The following GALK2 variants were observed in gnomAD, a reference collection of about 807,000 sequenced individuals.
The protein encoded by GALK2 is N-acetylgalactosamine kinase.
GALK2 carries 36 observed loss-of-function variants against 52.4 expected under a neutral mutation model. The ratio of observed to expected loss-of-function variants is 0.69; its 90% CI spans 0.53 to 0.91. The LOEUF (loss-of-function observed/expected upper bound fraction) is 0.91, where lower values mean the gene tolerates loss of function less well. Ranked by LOEUF, GALK2 falls within the 40% of genes least tolerant of loss-of-function variation. GALK2 has a pLI of 0.00. For missense variants in GALK2, 579 were observed against 559.1 expected, an observed-to-expected ratio of 1.04 and a Z score of -0.36; for synonymous variants, 176 against 199.1, an observed-to-expected ratio of 0.88 and a Z score of 0.98.
rs181284209 is a variant in GALK2 at position 49,323,593 on chromosome 15, T to A, written c.1169+3788T>A. Among the ~76,000 whole-genome samples, 967 of 152,294 alleles carry A rather than the reference T, an allele frequency of 6.3e-3. 15 individuals are homozygous for A. Among genetic ancestry groups the A allele is most frequent in the African/African-American group, 0.022 (912 of 41,560 alleles). ...TGAGTAAATTAACGGCTTGAATACC[T>A]AGAATACCTAAGTTGCTATACACAA... On this transcript the variant is annotated intron_variant, in intron 9 of 9. Coordinates refer to ENST00000560031, the MANE Select transcript of GALK2 (RefSeq NM_002044.4).
In GALK2 at chr15:49,366,499, A is replaced by G. The variant is rs1020001438; in HGVS notation, c.427-992A>G. 3.2e-6 allele frequency: 4 copies of G among 1,252,738 alleles called. No homozygotes were observed. The African/African-American group carries it at 5.9e-5, about 18-fold the overall frequency. The allele number at this position is 1,252,738 out of a possible 1,614,324, so 77.6% of individuals were successfully genotyped here. ...GTGCGGAAGTCAGATTCATCAAACT[A>G]ATGGAAGTTGCATTTTCTAGGGTAC... On this transcript the variant is annotated intron_variant, in intron 3 of 3. Coordinates refer to the GALK2 transcript ENST00000558399.
chr15:49,251,354 T>C (rs1470840656), intron 5 of GALK2, among the ~76,000 whole-genome samples: 1 of 152,164 alleles, frequency 6.6e-6, no homozygotes, highest in African/African-American at 2.4e-5. Flanking sequence ...TTTGATAAGA[T>C]TTATCATGCA....
intron 1 of GALK2, among the ~76,000 whole-genome samples, chr15:49,197,954 T>C (rs1175284163): frequency 6.6e-6 from 1 of 152,178 alleles, no homozygotes; most frequent in Non-Finnish European, 1.5e-5. Flanking sequence ...GTGGTGGCTG[T>C]TGAAAAGCAC....
At chr15:49,312,918 C>T (rs1456639560) in intron 8 of GALK2, among the ~76,000 whole-genome samples, 1 of 152,188 alleles carries the variant, frequency 6.6e-6, no homozygotes, top group Non-Finnish European at 1.5e-5. Context: ...AACAGTGGCT[C>T]ATTATGGCAT....
chr15:49,294,483 G>T (rs1320806528), intron 8 of GALK2, among the ~76,000 whole-genome samples: 2 of 152,174 alleles, frequency 1.3e-5, no homozygotes, highest in Non-Finnish European at 1.5e-5. Context: ...GTGTTGTATA[G>T]GTAATGTGGG....
intron 7 of GALK2, among the ~76,000 whole-genome samples, chr15:49,286,379 T>C (rs2033355480): frequency 6.6e-6 from 1 of 152,202 alleles, no homozygotes; most frequent in Non-Finnish European, 1.5e-5. Context: ...AAGTACCTAT[T>C]GTATGCTTAG....
chr15:49,300,547 T>A (rs774699092), intron 8 of GALK2, among the ~76,000 whole-genome samples: 1 of 152,092 alleles, frequency 6.6e-6, no homozygotes, highest in African/African-American at 2.4e-5. Context: ...TTTGGCTGTG[T>A]CCCCACCCAA....
intron 1 of GALK2, among the ~76,000 whole-genome samples, chr15:49,190,492 T>C (rs556218717): frequency 1.3e-5 from 2 of 152,354 alleles, no homozygotes; most frequent in African/African-American, 4.8e-5. Context: ...ATTACTGAGA[T>C]AAATAAAATC....
At chr15:49,275,132 T>C (rs2031443326) in intron 5 of GALK2, among the ~76,000 whole-genome samples, 1 of 152,214 alleles carries the variant, frequency 6.6e-6, no homozygotes, top group Non-Finnish European at 1.5e-5. Context: ...TAGGTTTGTT[T>C]ACATCAACAT....
intron 1 of GALK2, among the ~76,000 whole-genome samples, chr15:49,179,374 G>A (rs2085774081): frequency 6.6e-6 from 1 of 152,036 alleles, no homozygotes; most frequent in Non-Finnish European, 1.5e-5. Context: ...TCTTAAATTA[G>A]TATTAAAAAT....
chr15:49,359,179 C>G (rs1296274389), intron 3 of GALK2, among the ~76,000 whole-genome samples: 1 of 148,588 alleles, frequency 6.7e-6, no homozygotes, highest in Non-Finnish European at 1.5e-5. Flanking sequence ...TAGGCATGGG[C>G]AAGGACTTCA....
chr15:49,171,990 C>G (rs2085132629), intron 1 of GALK2, among the ~76,000 whole-genome samples: 2 of 152,100 alleles, frequency 1.3e-5, no homozygotes, highest in African/African-American at 4.8e-5. Flanking sequence ...CCAGGCTGGT[C>G]TCCAACTTGT....
intron 3 of GALK2, among the ~76,000 whole-genome samples, chr15:49,356,058 A>C (rs1351016303): frequency 2.7e-5 from 4 of 149,754 alleles, no homozygotes; most frequent in Middle Eastern, 3.4e-3. Flanking sequence ...TTTCTCACCA[A>C]CAGGCCTGCC....
chr15:49,215,980 C>T (rs1285480817), intron 2 of GALK2, among the ~76,000 whole-genome samples: 1 of 152,190 alleles, frequency 6.6e-6, no homozygotes, highest in Non-Finnish European at 1.5e-5. Context: ...CCCAGGAATG[C>T]TGCAATTCTT....
chr15:49,350,015 C>G (rs867768881), intron 3 of GALK2, among the ~76,000 whole-genome samples: 1 of 152,164 alleles, frequency 6.6e-6, no homozygotes, highest in South Asian at 2.1e-4. Context: ...TATGTAAACT[C>G]TTAAGCCCCT....
intron 5 of GALK2, among the ~76,000 whole-genome samples, chr15:49,264,373 G>A (rs1327867171): frequency 6.6e-6 from 1 of 152,042 alleles, no homozygotes; most frequent in Non-Finnish European, 1.5e-5. Context: ...GGCTCCTGAG[G>A]CTTCTGCATT....
At position 49,328,971 on chromosome 15, in the gene GALK2, T is replaced by C; in HGVS notation, c.*812T>C. 2.8e-6 allele frequency: 3 copies of C among 1,055,976 alleles called. No homozygotes were observed. Among genetic ancestry groups the C allele is most frequent in the Non-Finnish European group, 3.5e-6 (3 of 868,142 alleles). The allele number at this position is 1,055,976 out of a possible 1,614,324, so 65.4% of individuals were successfully genotyped here. ...ACATTGAAATAAAGAATTATCTAGA[T>C]GATAATTCAGATAATTCAGTTTGTT... On this transcript the variant is annotated 3_prime_UTR_variant, in exon 10 of 10. Coordinates refer to ENST00000560031, the MANE Select transcript of GALK2 (RefSeq NM_002044.4).
At chr15:49,345,556 GGT>G (rs2041355501) in intron 3 of GALK2, among the ~76,000 whole-genome samples, 1 of 152,166 alleles carries the variant, frequency 6.6e-6, no homozygotes, top group South Asian at 2.1e-4. Flanking sequence ...TATGAACAAT[GGT>G]TATATTCTAC....
At chr15:49,195,261 TG>T (rs912300692) in intron 1 of GALK2, 5 of 327,992 alleles carry the variant, frequency 1.5e-5, no homozygotes, top group African/African-American at 1.1e-4. Flanking sequence ...TTAGTAGAGA[TG>T]GTGTTTCACT....
Sources: allele counts gnomAD v4.1 joint callset (sites outside exome capture counted in the v4.1 genomes callset), GRCh38; gene constraint gnomAD v4.1.1; transcripts MANE v1.5; gene names NCBI Gene and HGNC (gene_info 2026-07-23, HGNC 2026-07-21).